IMMP2L: variants seen among roughly 807,000 people sequenced by gnomAD.
IMMP2L encodes the protein inner mitochondrial membrane peptidase subunit 2, also known as mitochondrial inner membrane protease subunit 2.
IMMP2L carries 18 observed loss-of-function variants against 19.3 expected under a neutral mutation model. The ratio of observed to expected loss-of-function variants is 0.93; its 90% confidence interval spans 0.64 to 1.38. The LOEUF is 1.38. Ranked by LOEUF, IMMP2L falls within the 40% of genes most tolerant of loss-of-function variation. IMMP2L has a pLI of 0.00. For synonymous variants in IMMP2L, 76 were observed against 73.0 expected (o/e 1.04, Z -0.21); for missense variants, 233 against 218.2 (o/e 1.07, Z -0.43).
chr7:110,953,364 G>A (rs550350922), intron 4 of IMMP2L, among the ~76,000 whole-genome samples: 11 of 147,028 alleles, frequency 7.5e-5, no homozygotes, highest in African/African-American at 2.8e-4. Context: ...CCCCTCCCCT[G>A]TATCCATGTG....
At chr7:110,701,159 T>G (rs970914706) in intron 5 of IMMP2L, among the ~76,000 whole-genome samples, 14 of 152,186 alleles carry the variant, frequency 9.2e-5, no homozygotes, top group African/African-American at 3.1e-4. Flanking sequence ...ACAAAATTCA[T>G]ACAGAAAAAA....
At chr7:111,506,084 T>C (rs1367664827) in intron 2 of IMMP2L, among the ~76,000 whole-genome samples, 2 of 151,716 alleles carry the variant, frequency 1.3e-5, no homozygotes, top group East Asian at 1.9e-4. Flanking sequence ...CTGGGCAACA[T>C]AGTGAGACTG....
intron 3 of IMMP2L, among the ~76,000 whole-genome samples, chr7:111,035,157 G>C (rs1257847162): frequency 6.6e-6 from 1 of 152,118 alleles, no homozygotes; most frequent in African/African-American, 2.4e-5. Context: ...GCTTACAAAA[G>C]TGGGTAGTTT....
At chr7:111,376,281 T>C (rs1327725297) in intron 3 of IMMP2L, among the ~76,000 whole-genome samples, 2 of 152,088 alleles carry the variant, frequency 1.3e-5, no homozygotes, top group Admixed American at 6.6e-5. Flanking sequence ...AAAATACATA[T>C]GTGGCCAATA....
intron 4 of IMMP2L, among the ~76,000 whole-genome samples, chr7:110,939,748 C>T (rs551837167): frequency 6.6e-6 from 1 of 152,144 alleles, no homozygotes; most frequent in South Asian, 2.1e-4. Context: ...ATGTGGGTAT[C>T]TCGCTGTATT....
chr7:111,458,523 CCTAT>C (rs1839873744), intron 3 of IMMP2L, among the ~76,000 whole-genome samples: 1 of 152,102 alleles, frequency 6.6e-6, no homozygotes, highest in South Asian at 2.1e-4. Context: ...AATTGTTCCT[CCTAT>C]CTTTCTCCTC....
At chr7:110,971,358 T>C (rs1482901143) in intron 3 of IMMP2L, among the ~76,000 whole-genome samples, 5 of 152,102 alleles carry the variant, frequency 3.3e-5, no homozygotes, top group African/African-American at 1.2e-4. Context: ...CCATATGATA[T>C]TTTTTCAGGG....
At chr7:111,223,717 CTGCAGTTCTTCT>C (rs1812770329) in intron 3 of IMMP2L, among the ~76,000 whole-genome samples, 1 of 152,016 alleles carries the variant, frequency 6.6e-6, no homozygotes, top group Non-Finnish European at 1.5e-5. Context: ...TAACTGTTTC[CTGCAGTTCTTCT>C]TGCAGCTGAA....
intron 3 of IMMP2L, among the ~76,000 whole-genome samples, chr7:111,402,693 A>G (rs934565739): frequency 6.6e-6 from 1 of 152,078 alleles, no homozygotes; most frequent in Non-Finnish European, 1.5e-5. Context: ...AGCCTGGGTG[A>G]CAGAGTGAGA....
chr7:111,477,741 A>C (rs1841838810), intron 3 of IMMP2L, among the ~76,000 whole-genome samples: 1 of 152,082 alleles, frequency 6.6e-6, no homozygotes, highest in East Asian at 1.9e-4. Context: ...TCTACTAAAA[A>C]TAAAAAATTA....
chr7:110,685,182 C>T (rs1250742079), intron 5 of IMMP2L, among the ~76,000 whole-genome samples: 2 of 152,018 alleles, frequency 1.3e-5, no homozygotes, highest in Non-Finnish European at 2.9e-5. Context: ...CCTGGAGCAC[C>T]ATAATGTAAA....
At chr7:111,302,536 A>T (rs1164483276) in intron 3 of IMMP2L, among the ~76,000 whole-genome samples, 1 of 152,154 alleles carries the variant, frequency 6.6e-6, no homozygotes, top group Non-Finnish European at 1.5e-5. Flanking sequence ...ATGCGGGCTC[A>T]TTCAGTCTTC....
At chr7:110,960,571 T>C (rs1431958823) in intron 4 of IMMP2L, among the ~76,000 whole-genome samples, 2 of 151,910 alleles carry the variant, frequency 1.3e-5, no homozygotes, top group Non-Finnish European at 2.9e-5. Context: ...ATACTAAAAA[T>C]GTATTTTGGA....
At chr7:111,323,094 A>G (rs1824915119) in intron 3 of IMMP2L, among the ~76,000 whole-genome samples, 1 of 151,988 alleles carries the variant, frequency 6.6e-6, no homozygotes, top group East Asian at 1.9e-4. Flanking sequence ...AAAAGCTAGA[A>G]AAAGACTGAC....
chr7:111,268,575 T>C (rs1367785030), intron 3 of IMMP2L, among the ~76,000 whole-genome samples: 2 of 24,294 alleles, frequency 8.2e-5, no homozygotes, highest in Admixed American at 5.9e-4. Context: ...TTCTCTTTTT[T>C]TTTTTTTTTT....
chr7:110,952,529 A>G (rs1817938193), intron 4 of IMMP2L, among the ~76,000 whole-genome samples: 1 of 152,148 alleles, frequency 6.6e-6, no homozygotes, highest in African/African-American at 2.4e-5. Flanking sequence ...GTATTGGGGG[A>G]AAAGCTGAGG....
intron 3 of IMMP2L, among the ~76,000 whole-genome samples, chr7:111,105,773 A>G (rs1798480824): frequency 1.3e-5 from 2 of 151,928 alleles, no homozygotes; most frequent in Non-Finnish European, 2.9e-5. Flanking sequence ...AAAAAAATCC[A>G]TAAAAATATA....
intron 1 of IMMP2L, among the ~76,000 whole-genome samples, chr7:111,530,243 C>G (rs550686144): frequency 7.2e-5 from 11 of 152,194 alleles, no homozygotes; most frequent in Admixed American, 2.0e-4. Flanking sequence ...TTTACATAAG[C>G]ATTTGTGTAA....
At chr7:111,098,737 G>A (rs1051244951) in intron 3 of IMMP2L, among the ~76,000 whole-genome samples, 2 of 151,678 alleles carry the variant, frequency 1.3e-5, no homozygotes, top group Non-Finnish European at 3.0e-5. Flanking sequence ...TGAAAAATAA[G>A]GCTTAGAGAA....
Sources: gnomAD v4.1 joint callset for allele counts (sites outside exome capture counted in the v4.1 genomes callset) on GRCh38, gnomAD v4.1.1 for gene constraint, MANE v1.5 for transcripts, NCBI Gene and HGNC (gene_info 2026-07-23, HGNC 2026-07-21) for gene names.